The following PLXNB3 variants were observed in gnomAD, a reference collection of about 807,000 sequenced individuals.
PLXNB3 encodes the protein plexin B3.
In PLXNB3, 80 loss-of-function variants were observed where a neutral mutation model predicts 125.7. That is an observed-to-expected ratio of 0.64 (90% CI 0.53 to 0.77). The LOEUF is 0.77. Among genes scored for constraint, PLXNB3 ranks in the 30% least tolerant of loss-of-function variants. PLXNB3 has a pLI of 0.00. For synonymous variants in PLXNB3, 954 were observed against 783.3 expected (o/e 1.22, Z -3.64); for missense variants, 1,836 against 1,729.3 (o/e 1.06, Z -1.09).
At chrX:153,771,246 G>C (rs782227310) in intron 12 of PLXNB3, 64 bp from the exon 13 acceptor site, 1 of 991,161 alleles carries the variant, frequency 1.0e-6, no homozygotes, top group Non-Finnish European at 1.4e-6. Context: ...GGGTGGCCCA[G>C]AGGAGACAAG....
In PLXNB3 at chrX:153,770,352, C is replaced by T. The variant is rs200197753; in HGVS notation, c.1801C>T (p.Pro601Ser). Residue 601 changes from proline to serine, a missense_variant, in exon 9 of 36, where the codon CCC (proline) becomes TCC (serine). Pro to Ser is a moderately conservative substitution (Grantham distance 74, BLOSUM62 -1). Transcript: ENST00000361971. ...NPPGTDHVTV[P>S]LALMFEDVTV... ...TCCCCTCCCAGACCACGTCACTGTG[C>T]CCCTGGCCCTGATGTTCGAGGACGT... 1.4e-4 allele frequency: 164 copies of T among 1,207,680 alleles called. No individual in the cohort carries two copies. Among genetic ancestry groups the T allele is most frequent in the Admixed American group, 9.1e-4 (42 of 45,904 alleles).
chrX:153,771,072 G>T lies in PLXNB3; in HGVS notation c.2244G>T (p.Gln748His). The T allele has an allele frequency of 1.7e-6, 2 of 1,200,218 alleles. No individual in the cohort carries two copies. Among genetic ancestry groups the T allele is most frequent in the Non-Finnish European group, 2.3e-6 (2 of 886,900 alleles). Residue 748 changes from glutamine (Q) to histidine (H), a missense_variant, in exon 12 of 36, where the codon CAG becomes CAT. Gln to His is a conservative substitution (Grantham distance 24). Coordinates refer to ENST00000361971, the MANE Select transcript of PLXNB3 (RefSeq NM_005393.3). Reference sequence around the variant, plus strand: ...GGGATTCAGGCCTCATCCACTGCCAGGCCCACCAGGTGAGTGGCTGCCTTC... The same window carrying T: ...GGGATTCAGGCCTCATCCACTGCCATGCCCACCAGGTGAGTGGCTGCCTTC... ...TAGDSGLIHC[Q>H]AHQFYPSMSQ...
At chrX:153,771,784 G>C in intron 14 of PLXNB3, 80 bp from the exon 15 acceptor site, 2 of 1,153,134 alleles carry the variant, frequency 1.7e-6, no homozygotes, top group South Asian at 1.9e-5. Context: ...GGCTGGGCTG[G>C]TTGGCTGGCC....
Position 153,777,257 on chromosome X carries a change from C to T in PLXNB3, c.4977C>T (p.His1659=). ...DGEEGGVCLW[H]LVKATEEPEG... is the part of the protein sequence containing the mutation. ...AGGAGGGGGGGGTGTGCCTCTGGCA[C>T]CTGGTGAAAGCCACCGAGGAGCCAG... Residue 1659 remains histidine (H), a synonymous_variant, in exon 30 of 36, where the codon CAC becomes CAT. Transcript: ENST00000361971. 8.4e-7 allele frequency: 1 copy of T among 1,190,021 alleles called. No homozygotes were observed. Among genetic ancestry groups the T allele is most frequent in the Non-Finnish European group, 1.1e-6 (1 of 883,431 alleles).
chrX:153,769,947 G>A lies in PLXNB3; in HGVS notation c.1629+8G>A, dbSNP rs781882885. On this transcript the variant is annotated splice_region_variant and intron_variant, in intron 7 of 35. Transcript: ENST00000361971. ...CGCCAGGAGCAGGGCCAGGTAAGCCGCCCACCACCACTGGGCCCTCTGGGC... is the reference window on the plus strand; with the variant it reads ...CGCCAGGAGCAGGGCCAGGTAAGCCACCCACCACCACTGGGCCCTCTGGGC... The A allele has an allele frequency of 2.8e-5, 34 of 1,202,090 alleles. No individual in the cohort carries two copies. The highest frequency in any genetic ancestry group is 8.9e-5 in the East Asian group (3 of 33,716).
chrX:153,776,397 G>A lies in PLXNB3; in HGVS notation c.4771G>A (p.Glu1591Lys). 8.4e-7 allele frequency: 1 copy of A among 1,194,104 alleles called. No individual in the cohort carries two copies. The highest frequency in any genetic ancestry group is 1.8e-5 in the African/African-American group (1 of 54,301). ...GGCTGGTCACCTGACCCTATCGGAC[G>A]AAGACTTGACCTCCGTGACCCAAAA... ...GLAGHLTLSDEDLTSVTQNHW... is the reference protein window; with the variant it reads ...GLAGHLTLSDKDLTSVTQNHW... Residue 1591 changes from glutamate to lysine, a missense_variant, in exon 28 of 36, where the codon GAA becomes AAA. Physicochemically the swap from Glu to Lys is moderately conservative, Grantham distance 56. Transcript: ENST00000361971.
chrX:153,769,693 C>G (rs1557060834), intron 6 of PLXNB3, 114 bp from the exon 7 acceptor site: 2 of 796,383 alleles, frequency 2.5e-6, no homozygotes, highest in Non-Finnish European at 3.6e-6. Flanking sequence ...TTCACGCCTC[C>G]TGCTCATTGC....
At position 153,774,202 on chromosome X, in the gene PLXNB3, T is replaced by G; in HGVS notation, c.3536T>G (p.Leu1179Arg). 1.7e-6 allele frequency: 2 copies of G among 1,204,020 alleles called. No homozygotes were observed. Among genetic ancestry groups the G allele is most frequent in the African/African-American group, 3.4e-5 (2 of 58,037 alleles). ...VLDVEGEGLN[L>R]GISKEEVRVH... ...GTGTCCCAGGGCGAGGGCCTCAACC[T>G]GGGCATCAGCAAGGAGGAGGTGCGC... Residue 1179 changes from leucine (L) to arginine (R), a missense_variant, in exon 21 of 36, where the codon CTG (leucine) becomes CGG (arginine). Leu to Arg is a moderately radical substitution (Grantham distance 102, BLOSUM62 -2). Coordinates refer to ENST00000361971, the MANE Select transcript of PLXNB3 (RefSeq NM_005393.3).
rs782088500 is a variant in PLXNB3 at position 153,777,166 on chromosome X, G to A, written c.4928-42G>A. Reference sequence around the variant, plus strand: ...AGTGGACTGGGCATCCCAGGCCAGGGGCAGGGGGTATAGCCCTGAAGCCAG... The same window carrying A: ...AGTGGACTGGGCATCCCAGGCCAGGAGCAGGGGGTATAGCCCTGAAGCCAG... On this transcript the variant is annotated intron_variant, in intron 29 of 35. Transcript: ENST00000361971. 6 of 1,114,937 alleles carry A rather than the reference G, an allele frequency of 5.4e-6. No homozygotes were observed. The East Asian group carries it at 2.0e-4, about 37-fold the overall frequency. 91.9% of individuals were successfully genotyped at this position (1,114,937 alleles called of 1,213,427 possible).
intron 3 of PLXNB3, 55 bp from the exon 4 acceptor site, chrX:153,768,194 C>G: frequency 1.8e-6 from 2 of 1,100,821 alleles, no homozygotes; most frequent in Non-Finnish European, 2.5e-6. Context: ...GGTACCCCCC[C>G]TGACTGCCTC....
In PLXNB3 at chrX:153,776,966, G is replaced by T; in HGVS notation, c.4913G>T (p.Cys1638Phe). ...ATCTCCCAGAGCCTGGCCCAGAGGTGCCCCTTGGGAGAGAGTGAGTCCCTC... is the reference window on the plus strand; with the variant it reads ...ATCTCCCAGAGCCTGGCCCAGAGGTTCCCCTTGGGAGAGAGTGAGTCCCTC... ...STISQSLAQR[C>F]PLGENIPTLE... Residue 1638 changes from cysteine to phenylalanine, a missense_variant, in exon 29 of 36, where the codon TGC (cysteine) becomes TTC (phenylalanine). Coordinates refer to ENST00000361971, the MANE Select transcript of PLXNB3 (RefSeq NM_005393.3). The T allele has an allele frequency of 1.7e-6, 2 of 1,182,361 alleles. No homozygotes were observed. Among genetic ancestry groups the T allele is most frequent in the Non-Finnish European group, 2.3e-6 (2 of 875,128 alleles).
rs139115534 is a variant in PLXNB3 at position 153,769,012 on chromosome X, C to T, written c.1331C>T (p.Ala444Val). 4 of 1,209,714 alleles carry T rather than the reference C, an allele frequency of 3.3e-6. No individual in the cohort carries two copies. The highest frequency in any genetic ancestry group is 1.8e-5 in the South Asian group (1 of 56,869). The change falls in exon 5 of 36, where the codon GCC (alanine) becomes GTC (valine). Residue 444 changes from alanine to valine, a missense_variant. By Grantham distance (64) the Ala-to-Val change is moderately conservative. Transcript: ENST00000361971. ...HSQQVGPPGS[A>V]ISPDLLLDSS... The stretch of plus-strand genomic sequence containing the variant: ...CAGCAAGTGGGGCCTCCAGGCTCAG[C>T]CATCAGCCCAGACCTGCTGCTGGAC...
At chrX:153,771,238 G>A (rs2091926008) in intron 12 of PLXNB3, 72 bp from the exon 13 acceptor site, 4 of 956,064 alleles carry the variant, frequency 4.2e-6, no homozygotes, top group Admixed American at 4.4e-5. Context: ...ATTCTGGGGG[G>A]TGGCCCAGAG....
intron 1 of PLXNB3, among the ~76,000 whole-genome samples, chrX:153,765,260 G>C (rs1415416550): frequency 2.7e-5 from 3 of 113,163 alleles, no homozygotes; most frequent in African/African-American, 9.6e-5. Flanking sequence ...GGGGGTGACA[G>C]CACTAGCGAG....
chrX:153,775,920 C>T lies in PLXNB3; in HGVS notation c.4435C>T (p.Arg1479Trp), dbSNP rs1369583250. Residue 1479 changes from arginine (R) to tryptophan (W), a missense_variant, in exon 27 of 36, where the codon CGG becomes TGG. By Grantham distance (101) the Arg-to-Trp change is moderately radical. Coordinates refer to ENST00000361971, the MANE Select transcript of PLXNB3 (RefSeq NM_005393.3). ...TGGTGAACCACTGTACATGCTCTTC[C>T]GGGCCATCCAGTACCAGGTGGACAA... ...VAGEPLYMLFRAIQYQVDKGP... is the reference protein window; with the variant it reads ...VAGEPLYMLFWAIQYQVDKGP... 1.1e-5 allele frequency: 13 copies of T among 1,209,378 alleles called. No individual in the cohort carries two copies. Among genetic ancestry groups the T allele is most frequent in the South Asian group, 1.8e-5 (1 of 56,810 alleles).
intron 14 of PLXNB3, 24 bp from the exon 15 acceptor site, chrX:153,771,840 T>A: frequency 8.3e-7 from 1 of 1,200,928 alleles, no homozygotes; most frequent in African/African-American, 1.7e-5. Flanking sequence ...GGGGACCCCA[T>A]CTGCCATCAT....
rs1557061228 is a variant in PLXNB3 at position 153,770,327 on chromosome X, T to G, written c.1787-11T>G. ...CACCTGACCTGTCCTGCCCCCACTG[T>G]CCCCTCCCAGACCACGTCACTGTGC... On this transcript the variant is annotated splice_polypyrimidine_tract_variant and intron_variant, in intron 8 of 35. Coordinates refer to ENST00000361971, the MANE Select transcript of PLXNB3 (RefSeq NM_005393.3). The G allele has an allele frequency of 8.3e-7, 1 of 1,204,996 alleles. No homozygotes were observed. The highest frequency in any genetic ancestry group is 2.2e-5 in the Admixed American group (1 of 45,943).
intron 14 of PLXNB3, 93 bp from the exon 15 acceptor site, chrX:153,771,771 C>T: frequency 8.8e-7 from 1 of 1,137,956 alleles, no homozygotes. Context: ...AGCAGCTCGG[C>T]CTGGCTGGGC....
chrX:153,773,215 C>T lies in PLXNB3; in HGVS notation c.2907-15C>T, dbSNP rs1319323741. On this transcript the variant is annotated splice_polypyrimidine_tract_variant and intron_variant, in intron 17 of 35. Transcript: ENST00000361971. The stretch of plus-strand genomic sequence containing the variant: ...GGTAGAGCCGAGATGAGAGACCCCA[C>T]TACCCATCCTGCAGCCTGGAGCCAG... 8.4e-7 allele frequency: 1 copy of T among 1,191,614 alleles called. No individual in the cohort carries two copies. The highest frequency in any genetic ancestry group is 1.8e-5 in the African/African-American group (1 of 57,094).
Sources: allele counts gnomAD v4.1 joint callset (sites outside exome capture counted in the v4.1 genomes callset), GRCh38; gene constraint gnomAD v4.1.1; transcripts MANE v1.5; gene names NCBI Gene and HGNC (gene_info 2026-07-23, HGNC 2026-07-21).